TTN: variants seen among roughly 807,000 people sequenced by gnomAD.
TTN encodes the protein titin, also known as connectin.
A neutral mutation model predicts 3,223.0 loss-of-function variants in TTN; 1,525 were observed. The observed-to-expected ratio is 0.47, with a 90% CI of 0.45 to 0.49. The LOEUF (loss-of-function observed/expected upper bound fraction) is 0.49, where lower values mean the gene tolerates loss of function less well. Among genes scored for constraint, TTN ranks in the 20% least tolerant of loss-of-function variants. TTN has a pLI of 0.00. For missense variants in TTN, 40,786 were observed against 43,424.0 expected (o/e 0.94, Z 5.40); for synonymous variants, 14,094 against 15,161.0 (o/e 0.93, Z 5.17).
rs1305903315 is a variant in TTN, at chr2:178,728,584, T to C, written c.19342A>G (p.Met6448Val). Residue 6448 changes from methionine to valine, a missense_variant, in exon 66 of 363, where the codon ATG becomes GTG. By Grantham distance (21) the Met-to-Val change is conservative. Transcript: ENST00000589042. ...GTGTACTGACCGCTGTCCTGCTTCA[T>C]TACTGACTGAATTCTAAAACTGGCC... is the stretch of plus-strand genomic sequence containing the variant. ...NVASFRIQSV[M>V]KQDSGQYTFK... 11 of 1,613,134 alleles carry C rather than the reference T, an allele frequency of 6.8e-6. No homozygotes were observed. Among genetic ancestry groups the C allele is most frequent in the Non-Finnish European group, 9.3e-6 (11 of 1,179,562 alleles).
rs769680688 is a variant in TTN at position 178,543,170 on chromosome 2, T to C, written c.96803A>G (p.Asn32268Ser). 2.3e-5 allele frequency: 37 copies of C among 1,613,568 alleles called. No homozygotes were observed. Among genetic ancestry groups the C allele is most frequent in the Non-Finnish European group, 3.0e-5 (35 of 1,179,600 alleles). ...TVLEHTVTSL[N>S]EGEQYLFRIR... Reference sequence around the variant, plus strand: ...TCTAAATAAGTATTGTTCACCTTCATTTAAGGAAGTAACAGTGTGCTCTAG... The same window carrying C: ...TCTAAATAAGTATTGTTCACCTTCACTTAAGGAAGTAACAGTGTGCTCTAG... The change falls in exon 347 of 363, where the codon AAT becomes AGT. Residue 32268 changes from asparagine (N) to serine (S), a missense_variant. Asn to Ser is a conservative substitution (Grantham distance 46, BLOSUM62 1). Coordinates refer to ENST00000589042, the MANE Select transcript of TTN (RefSeq NM_001267550.2).
Position 178,554,122 on chromosome 2 carries a change from A to G in TTN, c.88989T>C (p.Ser29663=). The change falls in exon 333 of 363, where the codon AGT becomes AGC. Residue 29663 remains serine, a synonymous_variant. Coordinates refer to ENST00000589042, the MANE Select transcript of TTN (RefSeq NM_001267550.2). ...TTTCAAGGAAATAGCCACTTATATC[A>G]CTACCGCCATCTGCAATTGGCCTGC... ...VWSRPIADGG[S]DISGYFLEKR... is the part of the protein sequence containing the mutation. 1 of 1,613,788 alleles carries G rather than the reference A, an allele frequency of 6.2e-7. No homozygotes were observed. Among genetic ancestry groups the G allele is most frequent in the Non-Finnish European group, 8.5e-7 (1 of 1,179,804 alleles).
At chr2:178,529,891 G>T (rs1411371882) in intron 359 of TTN, 69 bp downstream of exon 359, 2 of 1,465,604 alleles carry the variant, frequency 1.4e-6, no homozygotes, top group Non-Finnish European at 1.8e-6. Context: ...ATATAAGGGG[G>T]GATGTTTGAA....
At chr2:178,586,835 T>C (rs749262408) in intron 307 of TTN, 28 bp from the exon 308 acceptor site, 2 of 1,600,478 alleles carry the variant, frequency 1.2e-6, no homozygotes, top group South Asian at 1.1e-5. Context: ...TTTAGAAGAT[T>C]ACCTAGGTAA....
intron 47 of TTN, among the ~76,000 whole-genome samples, chr2:178,743,266 C>T (rs1020957502): frequency 2.6e-5 from 4 of 151,966 alleles, no homozygotes; most frequent in Non-Finnish European, 5.9e-5. Context: ...TAAAAAATTA[C>T]ATGTTGTGGT....
intron 112 of TTN, among the ~76,000 whole-genome samples, chr2:178,697,608 C>T (rs748402716): frequency 1.6e-4 from 25 of 152,282 alleles, no homozygotes; most frequent in Middle Eastern, 3.4e-3. Flanking sequence ...CAAATGACCA[C>T]TCAGAAAAGT....
In TTN at chr2:178,728,398, C is replaced by A; in HGVS notation, c.19427-1G>T. The A allele has an allele frequency of 6.3e-7, 1 of 1,588,150 alleles. No homozygotes were observed. Reference sequence around the variant, plus strand: ...GTGAATGATGGAGGAATATTTTGATCTGTCCAATGCAAACAGCAAAACACA... The same window carrying A: ...GTGAATGATGGAGGAATATTTTGATATGTCCAATGCAAACAGCAAAACACA... On this transcript the variant is annotated splice_acceptor_variant, in intron 66 of 362. Coordinates refer to ENST00000589042, the MANE Select transcript of TTN (RefSeq NM_001267550.2). LOFTEE classifies it high-confidence loss of function.
rs749345178 is a variant in TTN at position 178,594,625 on chromosome 2, T to C, written c.57869A>G (p.Asp19290Gly). 6.2e-7 allele frequency: 1 copy of C among 1,610,254 alleles called. No homozygotes were observed. The change falls in exon 296 of 363, where the codon GAC (aspartate) becomes GGC (glycine). Residue 19290 changes from aspartate to glycine, a missense_variant. Asp to Gly is a moderately conservative substitution (Grantham distance 94). Coordinates refer to ENST00000589042, the MANE Select transcript of TTN (RefSeq NM_001267550.2). ...EPITVPERPE[D>G]LEVKEVTKNT... ...TTTAGTAACTTCTTTGACTTCCAGG[T>C]CTTCAGGACGCTCTGGTACAGCTGC...
chr2:178,577,345 G>T lies in TTN; in HGVS notation c.68990C>A (p.Thr22997Asn), dbSNP rs886043272. 1.2e-6 allele frequency: 2 copies of T among 1,612,808 alleles called. No homozygotes were observed. Among genetic ancestry groups the T allele is most frequent in the South Asian group, 2.2e-5 (2 of 90,998 alleles). Residue 22997 changes from threonine (T) to asparagine (N), a missense_variant, in exon 324 of 363, where the codon ACT (threonine) becomes AAT (asparagine). Transcript: ENST00000589042. ...DIRPSDITQI[T>N]STPTSSMLTI... ...AAGCATGGAAGATGTTGGGGTTGAAGTTATCTGAGTGATATCTGATGGTCT... is the reference window on the plus strand; with the variant it reads ...AAGCATGGAAGATGTTGGGGTTGAATTTATCTGAGTGATATCTGATGGTCT...
At position 178,583,057 on chromosome 2, in the gene TTN, G is replaced by A. The variant is rs200155485; in HGVS notation, c.65746C>T (p.Arg21916Trp). ...AATAGCTCCAAGGTGCACAGATTCC[G>A]CTGCATGGCCATCTTTATGCCTTCT... ...PAEGIKMAMQ[R>W]NLCTLELFSV... The change falls in exon 313 of 363, where the codon CGG becomes TGG. Residue 21916 changes from arginine (R) to tryptophan (W), a missense_variant. Transcript: ENST00000589042. 6.8e-5 allele frequency: 110 copies of A among 1,610,924 alleles called. 1 individual carries two copies. The highest frequency in any genetic ancestry group is 1.6e-4 in the Middle Eastern group (1 of 6,068).
Position 178,722,121 on chromosome 2 carries a change from A to T in TTN, c.22542T>A (p.Ser7514=). The T allele has an allele frequency of 6.4e-7, 1 of 1,564,916 alleles. No individual in the cohort carries two copies. The highest frequency in any genetic ancestry group is 8.6e-7 in the Non-Finnish European group (1 of 1,157,024). ...ATACAGGCTTGATGTCAAAGAAGGG[A>T]GATTTCTTGGGTTCTGGAGGATGAG... ...ARLTAREPKK[S]PFFDIKPVSI... Residue 7514 remains serine, a synonymous_variant, in exon 78 of 363, where the codon TCT becomes TCA. Coordinates refer to ENST00000589042, the MANE Select transcript of TTN (RefSeq NM_001267550.2).
Position 178,711,194 on chromosome 2 carries a change from G to T in TTN, c.28042C>A (p.Gln9348Lys). Residue 9348 changes from glutamine (Q) to lysine (K), a missense_variant, in exon 97 of 363, where the codon CAA (glutamine) becomes AAA (lysine). Gln to Lys is a moderately conservative substitution (Grantham distance 53). Transcript: ENST00000589042. Reference protein sequence around the residue: ...GKPLKDSPNVQTSFLDNTATL... With the variant: ...GKPLKDSPNVKTSFLDNTATL... ...GCTGTATTGTCTAAAAATGATGTTT[G>T]TACATTTGGGCTGTCTTTCAATGGC... The T allele has an allele frequency of 1.2e-6, 2 of 1,613,780 alleles. No individual in the cohort carries two copies. The highest frequency in any genetic ancestry group is 1.3e-5 in the African/African-American group (1 of 74,996).
At position 178,680,312 on chromosome 2, in the gene TTN, C is replaced by A; in HGVS notation, c.33360G>T (p.Arg11120Ser). 1.2e-6 allele frequency: 2 copies of A among 1,610,436 alleles called. No individual in the cohort carries two copies. Among genetic ancestry groups the A allele is most frequent in the Non-Finnish European group, 1.7e-6 (2 of 1,178,782 alleles). The change falls in exon 139 of 363, where the codon AGG (arginine) becomes AGT (serine). Residue 11120 changes from arginine (R) to serine (S), a missense_variant. By Grantham distance (110) the Arg-to-Ser change is moderately radical. Transcript: ENST00000589042. ...PAAKVPMKPK[R>S]VVAEEKVPVP... ...CAGGTACTTTTTCTTCTGCGACAACCCTCTTGGGCTTCATGGGCACTTGAA... is the reference window on the plus strand; with the variant it reads ...CAGGTACTTTTTCTTCTGCGACAACACTCTTGGGCTTCATGGGCACTTGAA...
chr2:178,589,335 G>A lies in TTN; in HGVS notation c.62390C>T (p.Pro20797Leu). 6.2e-7 allele frequency: 1 copy of A among 1,612,984 alleles called. No individual in the cohort carries two copies. Among genetic ancestry groups the A allele is most frequent in the Non-Finnish European group, 8.5e-7 (1 of 1,179,298 alleles). Reference sequence around the variant, plus strand: ...CTTGGTCCATGCAACTTCTGGGAATGGTTTGCCTCTAACCCCTGCCTCAAG... The same window carrying A: ...CTTGGTCCATGCAACTTCTGGGAATAGTTTGCCTCTAACCCCTGCCTCAAG... ...IRLEAGVRGK[P>L]FPEVAWTKDK... Residue 20797 changes from proline to leucine, a missense_variant, in exon 304 of 363, where the codon CCA becomes CTA. Physicochemically the swap from Pro to Leu is moderately conservative, Grantham distance 98 (BLOSUM62 -3). Transcript: ENST00000589042.
intron 344 of TTN, among the ~76,000 whole-genome samples, chr2:178,545,046 CTCT>C (rs1487602302): frequency 1.3e-5 from 2 of 152,106 alleles, no homozygotes; most frequent in Non-Finnish European, 2.9e-5. Context: ...CCTGCTAAAC[CTCT>C]TCTTAAAAGG....
chr2:178,544,240 T>A lies in TTN; in HGVS notation c.95989A>T (p.Ser31997Cys). 1 of 1,613,780 alleles carries A rather than the reference T, an allele frequency of 6.2e-7. No individual in the cohort carries two copies. Among genetic ancestry groups the A allele is most frequent in the South Asian group, 1.1e-5 (1 of 91,080 alleles). ...GGCTCAATTTCAGCAATTGATTCGC[T>A]GTATTCGCTCATACCCTTCACGTTC... is the stretch of plus-strand genomic sequence containing the variant. ...AVNVKGMSEY[S>C]ESIAEIEPVE... Residue 31997 changes from serine (S) to cysteine (C), a missense_variant, in exon 345 of 363, where the codon AGC becomes TGC. By Grantham distance (112) the Ser-to-Cys change is moderately radical. Coordinates refer to ENST00000589042, the MANE Select transcript of TTN (RefSeq NM_001267550.2).
chr2:178,560,361 C>T lies in TTN; in HGVS notation c.85771G>A (p.Glu28591Lys). Residue 28591 changes from glutamate (E) to lysine (K), a missense_variant, in exon 326 of 363, where the codon GAG (glutamate) becomes AAG (lysine). By Grantham distance (56) the Glu-to-Lys change is moderately conservative (BLOSUM62 1). Coordinates refer to ENST00000589042, the MANE Select transcript of TTN (RefSeq NM_001267550.2). Reference sequence around the variant, plus strand: ...CGCACCCATCTTAGGCTATTTTTCTCTCGCCTTTCAATTATATATCCAGAT... The same window carrying T: ...CGCACCCATCTTAGGCTATTTTTCTTTCGCCTTTCAATTATATATCCAGAT... Reference protein sequence around the residue: ...EISGYIIERREKNSLRWVRVN... With the variant: ...EISGYIIERRKKNSLRWVRVN... 4 of 1,613,690 alleles carry T rather than the reference C, an allele frequency of 2.5e-6. No homozygotes were observed. The highest frequency in any genetic ancestry group is 3.4e-6 in the Non-Finnish European group (4 of 1,179,772).
At chr2:178,588,251 T>A in intron 304 of TTN, 32 bp from the exon 305 acceptor site, 1 of 1,489,348 alleles carries the variant, frequency 6.7e-7, no homozygotes, top group African/African-American at 1.4e-5. Flanking sequence ...AGTTAACTAC[T>A]ACTAGTGATA....
At position 178,533,919 on chromosome 2, in the gene TTN, G is replaced by A. The variant is rs202180775; in HGVS notation, c.102696C>T (p.Val34232=). The change falls in exon 358 of 363, where the codon GTC becomes GTT. Residue 34232 remains valine (V), a synonymous_variant. Transcript: ENST00000589042. ...TGGTTCTACGGCAGTAATAGTCATA[G>A]ACTTCTCTCACACCTTTAACAAATA... The part of the protein sequence containing the change: ...AELFVKGVRE[V]YDYYCRRTMK... The A allele has an allele frequency of 2.4e-4, 381 of 1,613,666 alleles. No individual in the cohort carries two copies. The highest frequency in any genetic ancestry group is 3.1e-4 in the Non-Finnish European group (368 of 1,179,864).
Sources: gnomAD v4.1 joint callset for allele counts (sites outside exome capture counted in the v4.1 genomes callset) on GRCh38, gnomAD v4.1.1 for gene constraint, MANE v1.5 for transcripts, NCBI Gene and HGNC (gene_info 2026-07-23, HGNC 2026-07-21) for gene names.